RPS6KC1: variants seen among roughly 807,000 people sequenced by gnomAD.
RPS6KC1 encodes the protein ribosomal protein S6 kinase C1, also known as inactive ribosomal protein S6 kinase delta-1.
RPS6KC1 carries 54 observed loss-of-function variants against 103.8 expected under a neutral mutation model. The observed-to-expected ratio is 0.52, with a 90% confidence interval of 0.42 to 0.65. The LOEUF is 0.65. Ranked by LOEUF, RPS6KC1 falls within the 30% of genes least tolerant of loss-of-function variation. RPS6KC1 has a pLI of 0.00. For missense variants in RPS6KC1, 1,151 were observed against 1,253.8 expected, an observed-to-expected ratio of 0.92 and a Z score of 1.24; for synonymous variants, 439 against 438.7, an observed-to-expected ratio of 1.00 and a Z score of -0.01.
the RPS6KC1 span, among the ~76,000 whole-genome samples, chr1:213,470,817 G>A: frequency 6.6e-6 from 1 of 151,786 alleles, no homozygotes. Flanking sequence ...TAGAGGCAGG[G>A]TCTTTCTATC....
At chr1:213,325,820 T>G in the RPS6KC1 span, among the ~76,000 whole-genome samples, 2 of 152,246 alleles carry the variant, frequency 1.3e-5, no homozygotes, top group Admixed American at 1.3e-4. Flanking sequence ...ATAAGTAACC[T>G]GTGAGGACAA....
At chr1:213,562,648 G>A in the RPS6KC1 span, among the ~76,000 whole-genome samples, 3 of 151,918 alleles carry the variant, frequency 2.0e-5, no homozygotes, top group Non-Finnish European at 4.4e-5. Flanking sequence ...GATTACAGGT[G>A]TCAGCCACTG....
chr1:213,572,078 G>A, the RPS6KC1 span, among the ~76,000 whole-genome samples: 1 of 152,332 alleles, frequency 6.6e-6, no homozygotes, highest in South Asian at 2.1e-4. Flanking sequence ...GTCTCGAGGG[G>A]ATGCAGAGAG....
chr1:213,690,573 T>C, the RPS6KC1 span, among the ~76,000 whole-genome samples: 1 of 152,226 alleles, frequency 6.6e-6, no homozygotes, highest in Non-Finnish European at 1.5e-5. Context: ...GATGGGCTGA[T>C]TACCTCATTC....
the RPS6KC1 span, among the ~76,000 whole-genome samples, chr1:213,467,456 A>ACTGTG: frequency 6.6e-6 from 1 of 152,236 alleles, no homozygotes; most frequent in Non-Finnish European, 1.5e-5. Context: ...GTATCAGCGA[A>ACTGTG]CTGTGTTCTT....
At chr1:213,276,953 A>G (rs1358770718), downstream of RPS6KC1, among the ~76,000 whole-genome samples, 1 of 152,158 alleles carries the variant, frequency 6.6e-6, no homozygotes, top group Admixed American at 6.5e-5. Flanking sequence ...TTGTGTGTTT[A>G]TTTGACTCAG....
At chr1:213,715,560 G>A in the RPS6KC1 span, among the ~76,000 whole-genome samples, 1 of 152,186 alleles carries the variant, frequency 6.6e-6, no homozygotes, top group Admixed American at 6.5e-5. Context: ...GATCCCCAGA[G>A]AATTCTAGTT....
the RPS6KC1 span, among the ~76,000 whole-genome samples, chr1:213,497,694 G>A: frequency 6.6e-6 from 1 of 152,028 alleles, no homozygotes; most frequent in Non-Finnish European, 1.5e-5. Context: ...AAGAAAGCAG[G>A]TGGAGGGAAT....
chr1:213,669,433 A>G, the RPS6KC1 span, among the ~76,000 whole-genome samples: 1 of 152,172 alleles, frequency 6.6e-6, no homozygotes, highest in Admixed American at 6.5e-5. Flanking sequence ...ATATAAGTAC[A>G]GTTTGTGGTG....
At chr1:213,282,662 ATTAACTCTT>A in the RPS6KC1 span, among the ~76,000 whole-genome samples, 1 of 152,250 alleles carries the variant, frequency 6.6e-6, no homozygotes, top group Non-Finnish European at 1.5e-5. Flanking sequence ...GCATGGCCAT[ATTAACTCTT>A]GTCATCATTG....
At chr1:213,368,892 G>T in the RPS6KC1 span, among the ~76,000 whole-genome samples, 1 of 152,212 alleles carries the variant, frequency 6.6e-6, no homozygotes, top group African/African-American at 2.4e-5. Flanking sequence ...GCAAGATGAA[G>T]TAGGAGTTAT....
At chr1:213,728,863 G>C in the RPS6KC1 span, among the ~76,000 whole-genome samples, 2 of 150,584 alleles carry the variant, frequency 1.3e-5, no homozygotes, top group East Asian at 2.0e-4. Context: ...TACAGGGCTG[G>C]CTTACGTTTG....
the RPS6KC1 span, among the ~76,000 whole-genome samples, chr1:213,353,923 G>A: frequency 6.6e-6 from 1 of 152,210 alleles, no homozygotes; most frequent in Non-Finnish European, 1.5e-5. Context: ...GGAACAGCCT[G>A]AGCAAAGGCA....
intron 6 of RPS6KC1, among the ~76,000 whole-genome samples, chr1:213,139,231 A>G (rs2086734407): frequency 1.3e-5 from 2 of 152,058 alleles, no homozygotes; most frequent in Non-Finnish European, 2.9e-5. Flanking sequence ...AGTTCCTTAT[A>G]GATTCTGAAT....
At chr1:213,315,012 C>T in the RPS6KC1 span, among the ~76,000 whole-genome samples, 7 of 152,210 alleles carry the variant, frequency 4.6e-5, no homozygotes, top group African/African-American at 1.4e-4. Context: ...ATTCGAGCCC[C>T]GTAATTCAAC....
intron 8 of RPS6KC1, among the ~76,000 whole-genome samples, chr1:213,214,164 G>T (rs2093594468): frequency 6.6e-6 from 1 of 152,216 alleles, no homozygotes; most frequent in African/African-American, 2.4e-5. Context: ...TGGAAAATTG[G>T]GTCATTCCCA....
At chr1:213,374,577 G>C in the RPS6KC1 span, among the ~76,000 whole-genome samples, 1 of 152,152 alleles carries the variant, frequency 6.6e-6, no homozygotes, top group Non-Finnish European at 1.5e-5. Context: ...AGCTTCAGTG[G>C]AGAGGGAGGG....
chr1:213,304,914 T>C, the RPS6KC1 span, among the ~76,000 whole-genome samples: 6 of 152,340 alleles, frequency 3.9e-5, no homozygotes, highest in South Asian at 1.2e-3. Context: ...TTTGAAAATA[T>C]TATTTTGCTT....
the RPS6KC1 span, among the ~76,000 whole-genome samples, chr1:213,315,190 CT>C: frequency 6.6e-6 from 1 of 152,198 alleles, no homozygotes; most frequent in Admixed American, 6.5e-5. Flanking sequence ...AACAAATATT[CT>C]TTTTGACCCT....
Sources: allele counts gnomAD v4.1 joint callset (sites outside exome capture counted in the v4.1 genomes callset), GRCh38; gene constraint gnomAD v4.1.1; transcripts MANE v1.5; gene names NCBI Gene and HGNC (gene_info 2026-07-23, HGNC 2026-07-21).